AVL9: variants seen among roughly 807,000 people sequenced by gnomAD.
AVL9 encodes AVL9 cell migration associated.
AVL9 carries 49 observed loss-of-function variants against 79.2 expected under a neutral mutation model. The observed-to-expected ratio is 0.62, with a 90% CI of 0.49 to 0.79. The LOEUF (loss-of-function observed/expected upper bound fraction) is 0.79, where lower values mean the gene tolerates loss of function less well. AVL9 is among the 30% of genes least tolerant of loss of function. The pLI is 0.00. For synonymous variants in AVL9, 299 were observed against 280.6 expected (o/e 1.07, Z -0.65); for missense variants, 682 against 776.8 (o/e 0.88, Z 1.45).
intron 13 of AVL9, 73 bp downstream of exon 13, chr7:32,576,145 ATT>A: frequency 9.8e-7 from 1 of 1,022,856 alleles, no homozygotes; most frequent in Non-Finnish European, 1.5e-6. Flanking sequence ...AGAAAAATCT[ATT>A]TTAACTTTGA....
intron 1 of AVL9, chr7:32,534,029 C>G (rs1016371583): frequency 1.3e-5 from 2 of 152,150 alleles, no homozygotes; most frequent in Non-Finnish European, 2.9e-5. Flanking sequence ...TGGAATCTGA[C>G]TAGAGGACAC....
At chr7:32,500,649 T>C (rs746017591) in intron 1 of AVL9, among the ~76,000 whole-genome samples, 1 of 152,196 alleles carries the variant, frequency 6.6e-6, no homozygotes, top group African/African-American at 2.4e-5. Context: ...TTTGTTGCAA[T>C]TGCTTTTGGT....
At chr7:32,525,751 A>G (rs1788375110) in intron 1 of AVL9, among the ~76,000 whole-genome samples, 1 of 152,180 alleles carries the variant, frequency 6.6e-6, no homozygotes, top group Admixed American at 6.6e-5. Flanking sequence ...TTGTCAAAAT[A>G]TTAATGTTAT....
intron 9 of AVL9, 33 bp downstream of exon 9, chr7:32,558,661 G>A: frequency 6.6e-7 from 1 of 1,524,358 alleles, no homozygotes. Context: ...TCTTTCTTTT[G>A]TTTAACTTGT....
intron 12 of AVL9, 82 bp downstream of exon 12, chr7:32,573,500 C>A: frequency 8.2e-7 from 1 of 1,213,606 alleles, no homozygotes; most frequent in South Asian, 1.4e-5. Flanking sequence ...TTGGATTGCA[C>A]AATAAATACA....
chr7:32,503,323 T>TATAG (rs1787230022), intron 1 of AVL9, among the ~76,000 whole-genome samples: 1 of 122,032 alleles, frequency 8.2e-6, no homozygotes, highest in African/African-American at 3.2e-5. Context: ...CTAAAAGATA[T>TATAG]ATATATATAT....
chr7:32,513,093 A>G (rs1323391245), intron 1 of AVL9, among the ~76,000 whole-genome samples: 1 of 152,238 alleles, frequency 6.6e-6, no homozygotes, highest in Non-Finnish European at 1.5e-5. Context: ...CCTTAAAGCC[A>G]GCACAGGGAG....
chr7:32,532,206 G>C (rs1021024913), intron 1 of AVL9: 1 of 152,188 alleles, frequency 6.6e-6, no homozygotes, highest in African/African-American at 2.4e-5. Flanking sequence ...CCATCAAGCT[G>C]TCCCTCTGAA....
At chr7:32,543,325 G>C in intron 2 of AVL9, 64 bp downstream of exon 2, 8 of 1,571,708 alleles carry the variant, frequency 5.1e-6, no homozygotes, top group Non-Finnish European at 6.9e-6. Context: ...AGATATCTTA[G>C]GTTCTAAATA....
chr7:32,569,061 A>G (rs1204918934), intron 10 of AVL9, among the ~76,000 whole-genome samples: 1 of 152,220 alleles, frequency 6.6e-6, no homozygotes, highest in East Asian at 1.9e-4. Context: ...GGAATAAAGA[A>G]TATCAAGTTG....
intron 1 of AVL9, among the ~76,000 whole-genome samples, chr7:32,525,829 T>C (rs1355117878): frequency 6.6e-6 from 1 of 152,186 alleles, no homozygotes; most frequent in African/African-American, 2.4e-5. Context: ...TCACTGGGCC[T>C]GATTTGTTTT....
At chr7:32,577,999 T>TGTGTACCCAAGCTC (rs1791176302) in intron 13 of AVL9, among the ~76,000 whole-genome samples, 1 of 152,166 alleles carries the variant, frequency 6.6e-6, no homozygotes, top group South Asian at 2.1e-4. Flanking sequence ...GTGATTGGAC[T>TGTGTACCCAAGCTC]GTGTACCCAA....
chr7:32,551,678 A>G (rs1476441537), intron 5 of AVL9, among the ~76,000 whole-genome samples: 1 of 125,942 alleles, frequency 7.9e-6, no homozygotes, highest in African/African-American at 3.0e-5. Context: ...CTCTTAGTGG[A>G]TAATAGCCCT....
chr7:32,573,272 G>T lies in AVL9; in HGVS notation c.1424G>T (p.Arg475Met). 4 of 1,613,870 alleles carry T rather than the reference G, an allele frequency of 2.5e-6. No homozygotes were observed. The highest frequency in any genetic ancestry group is 3.4e-6 in the Non-Finnish European group (4 of 1,180,004). The change falls in exon 12 of 16, where the codon AGG becomes ATG. Residue 475 changes from arginine (R) to methionine (M), a missense_variant. Transcript: ENST00000318709. ...CTTAACCCAACCACTGCAGACCTAAGGTTCGCAGACTACCTAGTGAGGCAC... is the reference window on the plus strand; with the variant it reads ...CTTAACCCAACCACTGCAGACCTAATGTTCGCAGACTACCTAGTGAGGCAC... ...KLLNPTTADLRFADYLVRHVT... is the reference protein window; with the variant it reads ...KLLNPTTADLMFADYLVRHVT...
chr7:32,524,529 T>TAC (rs34652596), intron 1 of AVL9, among the ~76,000 whole-genome samples: 65 of 132,270 alleles, frequency 4.9e-4, no homozygotes, highest in South Asian at 1.1e-3. Flanking sequence ...GAGGGAGAAA[T>TAC]ACACACACAC....
At chr7:32,551,822 G>A (rs896774969) in intron 5 of AVL9, among the ~76,000 whole-genome samples, 32 of 151,936 alleles carry the variant, frequency 2.1e-4, no homozygotes, top group African/African-American at 7.7e-4. Context: ...TATTGAAAAT[G>A]GACAGCATGT....
rs1260882176 is a variant in AVL9 at position 32,584,715 on chromosome 7, GTCT to G, written c.*810_*812del. 1 of 136,762 alleles carries G rather than the reference GTCT, an allele frequency of 7.3e-6. No homozygotes were observed. Among genetic ancestry groups the G allele is most frequent in the Non-Finnish European group, 1.5e-5 (1 of 66,334 alleles). 8.5% of individuals were successfully genotyped at this position (136,762 alleles called of 1,614,324 possible). On this transcript the variant is annotated 3_prime_UTR_variant, in exon 16 of 16. Coordinates refer to ENST00000318709, the MANE Select transcript of AVL9 (RefSeq NM_015060.3). ...ATTTTTCAACCGCAGTCATGTTGCA[GTCT>G]TACAAGCACTTTTTTTTTATTCCAG...
chr7:32,524,590 T>TA (rs150041193), intron 1 of AVL9, among the ~76,000 whole-genome samples: 35,856 of 151,564 alleles, frequency 0.24, 4,891 homozygotes, highest in Admixed American at 0.34. Flanking sequence ...TATATCTAAC[T>TA]GAGGGATGTT....
Position 32,575,956 on chromosome 7 carries a change from CA to C in AVL9, c.1574del (p.Asn525MetfsTer36), listed in dbSNP as rs1210410510. On this transcript the variant is annotated frameshift_variant and splice_region_variant, in exon 13 of 16. Coordinates refer to ENST00000318709, the MANE Select transcript of AVL9 (RefSeq NM_015060.3). LOFTEE classifies it high-confidence loss of function. Reference sequence around the variant, plus strand: ...TTCTTTCAAACATTTACTTGACAGACAATGAAAAGATATTATCGGACTATGG... The same window carrying C: ...TTCTTTCAAACATTTACTTGACAGACATGAAAAGATATTATCGGACTATGG... ...ALLAATLQLDNEKILSDYGTT... is the reference protein window; with the variant it reads ...ALLAATLQLDXEKILSDYGTT... The C allele has an allele frequency of 6.3e-7, 1 of 1,593,576 alleles. No homozygotes were observed. Among genetic ancestry groups the C allele is most frequent in the Non-Finnish European group, 8.6e-7 (1 of 1,161,556 alleles).
Sources: allele counts gnomAD v4.1 joint callset (sites outside exome capture counted in the v4.1 genomes callset), GRCh38; gene constraint gnomAD v4.1.1; transcripts MANE v1.5; gene names NCBI Gene and HGNC (gene_info 2026-07-23, HGNC 2026-07-21).